The following NDUFAF2 variants were observed in gnomAD, a reference collection of about 807,000 sequenced individuals.
NDUFAF2 encodes the protein NADH dehydrogenase [ubiquinone] 1 alpha subcomplex assembly factor 2.
A neutral mutation model predicts 22.8 loss-of-function variants in NDUFAF2; 13 were observed. The ratio of observed to expected loss-of-function variants is 0.57; its 90% CI spans 0.37 to 0.91. The LOEUF is 0.91. Among genes scored for constraint, NDUFAF2 ranks in the 40% least tolerant of loss-of-function variants. The pLI, the probability that NDUFAF2 is intolerant of heterozygous loss-of-function variation, is 0.01. For missense variants in NDUFAF2, 162 were observed against 195.2 expected (o/e 0.83, Z 1.01); for synonymous variants, 53 against 64.2 (o/e 0.83, Z 0.84).
intron 1 of NDUFAF2, among the ~76,000 whole-genome samples, chr5:61,027,298 CTTT>C (rs150340157): frequency 1.5e-5 from 2 of 136,034 alleles, no homozygotes; most frequent in Non-Finnish European, 1.6e-5. Flanking sequence ...TACACGTGGA[CTTT>C]TTTTTTTTTT....
intron 3 of NDUFAF2, among the ~76,000 whole-genome samples, chr5:61,118,573 AGTTATATT>A (rs111554018): frequency 0.02 from 2,990 of 152,256 alleles, 105 homozygotes; most frequent in African/African-American, 0.068. Context: ...TTGCCAATTA[AGTTATATT>A]GTTATATTCT....
At chr5:61,038,088 A>AGAGAGAGAGAG (rs1561547893) in intron 1 of NDUFAF2, among the ~76,000 whole-genome samples, 4 of 77,782 alleles carry the variant, frequency 5.1e-5, no homozygotes, top group Admixed American at 1.7e-4. Context: ...GAGGCGGGGG[A>AGAGAGAGAGAG]AGAGAGAGAG....
intron 1 of NDUFAF2, among the ~76,000 whole-genome samples, chr5:61,053,386 A>G (rs1306177909): frequency 6.6e-6 from 1 of 152,240 alleles, no homozygotes; most frequent in African/African-American, 2.4e-5. Context: ...TCATCAGGAT[A>G]TGCACCATCT....
At chr5:61,111,604 G>GTT in intron 3 of NDUFAF2, among the ~76,000 whole-genome samples, 1 of 150,968 alleles carries the variant, frequency 6.6e-6, no homozygotes, top group African/African-American at 2.4e-5. Flanking sequence ...ACACAGCTAG[G>GTT]TTTTTTTTGT....
At chr5:61,051,837 T>C (rs2111700093) in intron 1 of NDUFAF2, among the ~76,000 whole-genome samples, 1 of 152,238 alleles carries the variant, frequency 6.6e-6, no homozygotes, top group South Asian at 2.1e-4. Flanking sequence ...GAACCAGATA[T>C]GAGGCACTAA....
intron 1 of NDUFAF2, among the ~76,000 whole-genome samples, chr5:61,049,824 A>ATGTG (rs1483940714): frequency 9.5e-4 from 145 of 151,834 alleles, no homozygotes; most frequent in Non-Finnish European, 1.7e-3. Flanking sequence ...TTATATACAT[A>ATGTG]TATATAAATA....
chr5:61,136,032 TATATATATATCTAG>T (rs1436102455), intron 3 of NDUFAF2, among the ~76,000 whole-genome samples: 3 of 81,434 alleles, frequency 3.7e-5, no homozygotes, highest in African/African-American at 4.1e-5. Flanking sequence ...TATATATATA[TATATATATATCTAG>T]GGTGGATTGC....
intron 1 of NDUFAF2, among the ~76,000 whole-genome samples, chr5:61,000,250 G>A (rs890627206): frequency 1.3e-5 from 2 of 152,050 alleles, no homozygotes; most frequent in African/African-American, 2.4e-5. Flanking sequence ...TAGAAAATGA[G>A]TAGATTTAGT....
chr5:61,131,115 C>CT (rs1433166252), intron 3 of NDUFAF2, among the ~76,000 whole-genome samples: 1 of 151,834 alleles, frequency 6.6e-6, no homozygotes, highest in Non-Finnish European at 1.5e-5. Flanking sequence ...AAAGACTTCT[C>CT]TTTTTTGTAT....
chr5:60,981,721 T>C (rs1180416119), intron 1 of NDUFAF2, among the ~76,000 whole-genome samples: 1 of 152,140 alleles, frequency 6.6e-6, no homozygotes, highest in Non-Finnish European at 1.5e-5. Context: ...AGAGCTATAT[T>C]AACCAAAACA....
In NDUFAF2 at chr5:61,073,172, G is replaced by T. The variant is rs557660554; in HGVS notation, c.175G>T (p.Glu59Ter). The part of the protein sequence containing the change: ...KRIVEAANKK[E>*]VDYEAGDIPT... ...AATTGTAGAAGCAGCAAATAAAAAAGAAGTAGACTATGAAGCAGGGGATAT... is the reference window on the plus strand; with the variant it reads ...AATTGTAGAAGCAGCAAATAAAAAATAAGTAGACTATGAAGCAGGGGATAT... Residue 59 changes from glutamate (E) to a stop codon, truncating the protein, a stop_gained, in exon 2 of 4, where the codon GAA becomes TAA. Transcript: ENST00000296597. LOFTEE classifies it high-confidence loss of function. 1.2e-6 allele frequency: 2 copies of T among 1,613,356 alleles called. No homozygotes were observed. Among genetic ancestry groups the T allele is most frequent in the African/African-American group, 1.3e-5 (1 of 75,040 alleles).
At chr5:61,044,579 G>T (rs1751923358) in intron 1 of NDUFAF2, among the ~76,000 whole-genome samples, 1 of 152,118 alleles carries the variant, frequency 6.6e-6, no homozygotes, top group Admixed American at 6.6e-5. Context: ...TTATTGAAGA[G>T]ACTGTCCTTT....
chr5:60,961,333 C>T (rs574304002), intron 1 of NDUFAF2, among the ~76,000 whole-genome samples: 8 of 151,932 alleles, frequency 5.3e-5, no homozygotes, highest in African/African-American at 9.7e-5. Flanking sequence ...CGGTGGCTCA[C>T]GCCTGTAATC....
intron 2 of NDUFAF2, among the ~76,000 whole-genome samples, chr5:61,085,323 A>T (rs1036550524): frequency 6.6e-6 from 1 of 152,190 alleles, no homozygotes; most frequent in Non-Finnish European, 1.5e-5. Flanking sequence ...TACAGAAAAG[A>T]ATTGACAAAA....
In NDUFAF2 at chr5:61,053,594, C is replaced by A. The variant is rs149241816; in HGVS notation, c.128-19531C>A. On this transcript the variant is annotated intron_variant, in intron 1 of 3. Transcript: ENST00000296597. ...GGCCCAGCAGGGGTCATGTACCCATCCCTGAAATAGTTTCTGTGGCTAAAA... is the reference window on the plus strand; with the variant it reads ...GGCCCAGCAGGGGTCATGTACCCATACCTGAAATAGTTTCTGTGGCTAAAA... Among the ~76,000 whole-genome samples the A allele has an allele frequency of 9.2e-5, 14 of 152,244 alleles. No individual in the cohort carries two copies. The East Asian group carries it at 1.4e-3, about 15-fold the overall frequency.
At chr5:61,132,725 T>G (rs1400703401) in intron 3 of NDUFAF2, among the ~76,000 whole-genome samples, 1 of 152,184 alleles carries the variant, frequency 6.6e-6, no homozygotes, top group African/African-American at 2.4e-5. Flanking sequence ...TGCTTGGGAA[T>G]TCTACTCCCT....
intron 1 of NDUFAF2, among the ~76,000 whole-genome samples, chr5:60,967,616 C>T (rs1221999901): frequency 6.6e-6 from 1 of 151,096 alleles, no homozygotes; most frequent in Non-Finnish European, 1.5e-5. Context: ...GGTTTTTGTC[C>T]TTCATTCTGT....
At chr5:60,976,818 C>T (rs1750908014) in intron 1 of NDUFAF2, among the ~76,000 whole-genome samples, 2 of 152,064 alleles carry the variant, frequency 1.3e-5, no homozygotes, top group Non-Finnish European at 2.9e-5. Context: ...ATACGTTATT[C>T]TATGCCTATG....
chr5:61,069,347 GTC>G (rs896082906), intron 1 of NDUFAF2, among the ~76,000 whole-genome samples: 4 of 152,116 alleles, frequency 2.6e-5, no homozygotes, highest in African/African-American at 9.7e-5. Flanking sequence ...GGCTGGGCCT[GTC>G]TCTACAACCC....
Sources: gnomAD v4.1 joint callset for allele counts (sites outside exome capture counted in the v4.1 genomes callset) on GRCh38, gnomAD v4.1.1 for gene constraint, MANE v1.5 for transcripts, NCBI Gene and HGNC (gene_info 2026-07-23, HGNC 2026-07-21) for gene names.